Variants in MAMDC2 observed in about 807,000 individuals in gnomAD.
MAMDC2 encodes the protein MAM domain containing 2, also known as MAM domain-containing protein 2.
A neutral mutation model predicts 89.8 loss-of-function variants in MAMDC2; 57 were observed. The observed-to-expected ratio is 0.63, with a 90% CI of 0.51 to 0.79. The LOEUF (loss-of-function observed/expected upper bound fraction) is 0.79, where lower values mean the gene tolerates loss of function less well. Among genes scored for constraint, MAMDC2 ranks in the 30% least tolerant of loss-of-function variants. The pLI, the probability that MAMDC2 is intolerant of heterozygous loss-of-function variation, is 0.00. For missense variants in MAMDC2, 800 were observed against 820.6 expected (o/e 0.97, Z 0.31); for synonymous variants, 313 against 293.4 (o/e 1.07, Z -0.68).
rs1307009160 is a variant in MAMDC2, at chr9:70,218,441, T to C, written c.1756T>C (p.Phe586Leu). Residue 586 changes from phenylalanine to leucine, a missense_variant, in exon 12 of 14, where the codon TTC (phenylalanine) becomes CTC (leucine). Physicochemically the swap from Phe to Leu is conservative, Grantham distance 22 (BLOSUM62 0). Coordinates refer to ENST00000377182, the MANE Select transcript of MAMDC2 (RefSeq NM_153267.5). The part of the protein sequence containing the change: ...GVSGKHCLTF[F>L]YHMYGGGTGL... ...CTCTGGAAAACACTGCTTGACCTTT[T>C]TCTACCACATGTATGGAGGGGGCAC... is the stretch of plus-strand genomic sequence containing the variant. 1 of 1,614,098 alleles carries C rather than the reference T, an allele frequency of 6.2e-7. No homozygotes were observed. Among genetic ancestry groups the C allele is most frequent in the African/African-American group, 1.3e-5 (1 of 74,942 alleles).
rs187486376 is a variant in MAMDC2, at chr9:70,217,643, C to T, written c.1652-694C>T. On this transcript the variant is annotated intron_variant, in intron 11 of 13. Transcript: ENST00000377182. ...ATTGTGAAGCCTGTGAAAGTTTCAG[C>T]TCCCCAAGTTGGTGGAAAACGCTAA... 4.3e-6 allele frequency: 7 copies of T among 1,609,418 alleles called. No homozygotes were observed. In the Admixed American group the frequency reaches 8.3e-5, roughly 19 times the overall value.
chr9:70,209,879 C>T (rs1442216926), intron 11 of MAMDC2, among the ~76,000 whole-genome samples: 1 of 152,330 alleles, frequency 6.6e-6, no homozygotes, highest in East Asian at 1.9e-4. Flanking sequence ...TCTCTGCCTT[C>T]ATTTCGTTAT....
At chr9:70,157,171 C>T (rs2031789447) in intron 9 of MAMDC2, among the ~76,000 whole-genome samples, 1 of 152,196 alleles carries the variant, frequency 6.6e-6, no homozygotes, top group Non-Finnish European at 1.5e-5. Context: ...TTCCAAACTT[C>T]TATCTTGTGA....
intron 9 of MAMDC2, among the ~76,000 whole-genome samples, chr9:70,158,263 A>G (rs1202714542): frequency 6.6e-6 from 1 of 152,218 alleles, no homozygotes; most frequent in African/African-American, 2.4e-5. Context: ...AAGAAATCTT[A>G]AAAGTAATGA....
intron 5 of MAMDC2, chr9:70,113,983 C>T (rs1464651447): frequency 6.6e-6 from 1 of 152,062 alleles, no homozygotes; most frequent in Non-Finnish European, 1.5e-5. Context: ...TTGATGGTGA[C>T]AGTGTGTCCC....
chr9:70,174,612 G>T (rs145842335), intron 11 of MAMDC2, among the ~76,000 whole-genome samples: 2 of 152,118 alleles, frequency 1.3e-5, no homozygotes, highest in African/African-American at 4.8e-5. Flanking sequence ...ACAGCAAGGC[G>T]GCTGGTTTAG....
intron 11 of MAMDC2, among the ~76,000 whole-genome samples, chr9:70,208,875 T>C (rs1282025753): frequency 1.3e-5 from 2 of 152,196 alleles, no homozygotes; most frequent in African/African-American, 2.4e-5. Flanking sequence ...CTTTTCTGTG[T>C]CTATTGAGAT....
At chr9:70,214,606 T>G (rs996116943) in intron 11 of MAMDC2, among the ~76,000 whole-genome samples, 1 of 152,202 alleles carries the variant, frequency 6.6e-6, no homozygotes, top group Non-Finnish European at 1.5e-5. Flanking sequence ...GCACTATGAA[T>G]ACAATTTTGA....
At chr9:70,222,385 C>T (rs1564005550) in intron 12 of MAMDC2, among the ~76,000 whole-genome samples, 1 of 152,000 alleles carries the variant, frequency 6.6e-6, no homozygotes, top group Non-Finnish European at 1.5e-5. Flanking sequence ...GAAGAGAACA[C>T]AGTTAGGGAA....
chr9:70,149,856 G>A (rs937087115), intron 9 of MAMDC2, among the ~76,000 whole-genome samples: 1 of 152,196 alleles, frequency 6.6e-6, no homozygotes, highest in Non-Finnish European at 1.5e-5. Flanking sequence ...ATATGCAGCT[G>A]AGCTGCACTG....
chr9:70,068,034 A>G (rs1295974821), intron 2 of MAMDC2, among the ~76,000 whole-genome samples: 1 of 152,230 alleles, frequency 6.6e-6, no homozygotes, highest in African/African-American at 2.4e-5. Flanking sequence ...GTGTGGCTCA[A>G]ATGAACTCGT....
intron 2 of MAMDC2, among the ~76,000 whole-genome samples, chr9:70,057,442 C>A (rs992446361): frequency 6.6e-6 from 1 of 152,164 alleles, no homozygotes; most frequent in Non-Finnish European, 1.5e-5. Context: ...ATTCCTCAAG[C>A]TTCTTGTCTC....
intron 3 of MAMDC2, among the ~76,000 whole-genome samples, chr9:70,108,717 A>G (rs1014394456): frequency 7.9e-5 from 12 of 152,180 alleles, no homozygotes; most frequent in Non-Finnish European, 2.9e-5. Context: ...CTTCTGTAAA[A>G]ATCTAAATGG....
intron 11 of MAMDC2, among the ~76,000 whole-genome samples, chr9:70,198,035 A>C (rs2871296): frequency 1.3e-5 from 2 of 151,774 alleles, no homozygotes; most frequent in African/African-American, 2.4e-5. Flanking sequence ...ATAACTCTTA[A>C]TACAATATAT....
intron 11 of MAMDC2, among the ~76,000 whole-genome samples, chr9:70,184,627 G>A (rs2032711719): frequency 6.6e-6 from 1 of 151,462 alleles, no homozygotes; most frequent in Admixed American, 6.6e-5. Context: ...ATTTCAGTAA[G>A]TTGATCCTCA....
chr9:70,093,101 T>A (rs1827942654), intron 2 of MAMDC2, among the ~76,000 whole-genome samples: 1 of 152,158 alleles, frequency 6.6e-6, no homozygotes, highest in South Asian at 2.1e-4. Flanking sequence ...ATATATTTAT[T>A]TATGTATCTG....
At chr9:70,094,117 T>G (rs1311020352) in intron 2 of MAMDC2, among the ~76,000 whole-genome samples, 1 of 152,266 alleles carries the variant, frequency 6.6e-6, no homozygotes, top group African/African-American at 2.4e-5. Context: ...GATTGCCTCC[T>G]GGCATTTGTT....
At chr9:70,136,013 T>C (rs2030991206) in intron 7 of MAMDC2, among the ~76,000 whole-genome samples, 1 of 152,012 alleles carries the variant, frequency 6.6e-6, no homozygotes, top group Non-Finnish European at 1.5e-5. Context: ...TAGCCAGGCA[T>C]GGTGGTGCAT....
chr9:70,090,557 A>AT (rs1176065948), intron 2 of MAMDC2: 3 of 151,864 alleles, frequency 2.0e-5, no homozygotes, highest in African/African-American at 7.3e-5. Context: ...CTGGGATACC[A>AT]TTTTTTATCT....
Sources: allele counts gnomAD v4.1 joint callset (sites outside exome capture counted in the v4.1 genomes callset), GRCh38; gene constraint gnomAD v4.1.1; transcripts MANE v1.5; gene names NCBI Gene and HGNC (gene_info 2026-07-23, HGNC 2026-07-21).